RARB: variants seen among roughly 807,000 people sequenced by gnomAD.
The protein encoded by RARB is HBV-activated protein.
Under a neutral mutation model 51.9 loss-of-function variants are expected in RARB, and 17 were observed. The ratio of observed to expected loss-of-function variants is 0.33; its 90% CI spans 0.22 to 0.49. The LOEUF (loss-of-function observed/expected upper bound fraction) is 0.49. Ranked by LOEUF, RARB falls within the 20% of genes least tolerant of loss-of-function variation. RARB has a pLI of 0.99. For synonymous variants in RARB, 215 were observed against 195.4 expected (o/e 1.10, Z -0.84); for missense variants, 369 against 550.8 (o/e 0.67, Z 3.30).
chr3:25,136,659 C>T (rs572602322), intron 4 of RARB, among the ~76,000 whole-genome samples: 20 of 152,004 alleles, frequency 1.3e-4, no homozygotes, highest in Admixed American at 1.3e-3. Flanking sequence ...TGCCACATAC[C>T]TTCAATTAAT....
rs1252000423 is a variant in RARB at position 25,597,236 on chromosome 3, G to GCAT, written c.*622_*624dup. On this transcript the variant is annotated 3_prime_UTR_variant, in exon 8 of 8. Coordinates refer to ENST00000330688, the MANE Select transcript of RARB (RefSeq NM_000965.5). ...TTGCTCTTTCTGATGCTCTCAAACT[G>GCAT]CATCTTTTATTTCATGTTGCCCAGT... 1 of 152,556 alleles carries GCAT rather than the reference G, an allele frequency of 6.6e-6. No individual in the cohort carries two copies. Among genetic ancestry groups the GCAT allele is most frequent in the African/African-American group, 2.4e-5 (1 of 41,414 alleles). 9.5% of individuals were successfully genotyped at this position (152,556 alleles called of 1,614,324 possible). A position where few individuals can be genotyped will look rare whatever the true frequency, so the allele number is the denominator to read the frequency against.
intron 3 of RARB, among the ~76,000 whole-genome samples, chr3:25,504,016 G>A (rs4470477): frequency 0.059 from 8,957 of 152,174 alleles, 289 homozygotes; most frequent in Non-Finnish European, 0.078. Context: ...CTGAAGTAGC[G>A]AGATTAGCAA....
At chr3:25,450,558 C>T (rs1709147127) in intron 1 of RARB, among the ~76,000 whole-genome samples, 1 of 152,126 alleles carries the variant, frequency 6.6e-6, no homozygotes, top group Non-Finnish European at 1.5e-5. Context: ...CAGAGTCTCC[C>T]CACCAGTAGT....
chr3:25,473,673 A>C (rs1323317888), intron 2 of RARB, among the ~76,000 whole-genome samples: 3 of 152,034 alleles, frequency 2.0e-5, no homozygotes, highest in Non-Finnish European at 4.4e-5. Flanking sequence ...CTTCCTTTTC[A>C]CTGGTGTCAA....
intron 2 of RARB, among the ~76,000 whole-genome samples, chr3:24,866,447 G>T (rs1702850502): frequency 6.6e-6 from 1 of 152,118 alleles, no homozygotes; most frequent in African/African-American, 2.4e-5. Context: ...CACAAGGCAA[G>T]GCACTCTGGA....
At chr3:25,071,914 C>A (rs951729467) in intron 3 of RARB, among the ~76,000 whole-genome samples, 4 of 152,132 alleles carry the variant, frequency 2.6e-5, no homozygotes, top group African/African-American at 9.7e-5. Flanking sequence ...TGAAAGCCCT[C>A]AATGTGATAT....
rs547295201 is a variant in RARB, at chr3:25,262,865, C to T, written c.178+88290C>T. ...ACAATATCTCTCAGTGTTCCTATAA[C>T]ATTCTGTGCTTACCTCTATCATTCC... is the stretch of plus-strand genomic sequence containing the variant. On this transcript the variant is annotated intron_variant, in intron 5 of 11. Coordinates refer to the RARB transcript ENST00000383772. 2.0e-5 allele frequency among the ~76,000 whole-genome samples: 3 copies of T among 152,298 alleles called. 1 individual carries two copies. The highest frequency in any genetic ancestry group is 3.9e-4 in the East Asian group (2 of 5,178).
intron 2 of RARB, among the ~76,000 whole-genome samples, chr3:24,897,662 T>C (rs1037354795): frequency 1.3e-5 from 2 of 152,158 alleles, no homozygotes; most frequent in Non-Finnish European, 1.5e-5. Context: ...AGGCCTTCCA[T>C]TCCTTTTATA....
intron 5 of RARB, among the ~76,000 whole-genome samples, chr3:25,219,760 T>C (rs1378661389): frequency 6.6e-6 from 1 of 152,200 alleles, no homozygotes; most frequent in Non-Finnish European, 1.5e-5. Context: ...CCGTTAGATT[T>C]GTCAAAGAAC....
At chr3:25,061,702 C>A (rs1285361734) in intron 3 of RARB, among the ~76,000 whole-genome samples, 2 of 151,544 alleles carry the variant, frequency 1.3e-5, no homozygotes, top group Non-Finnish European at 3.0e-5. Flanking sequence ...ATATGTTGAT[C>A]CACTAAATTT....
intron 5 of RARB, among the ~76,000 whole-genome samples, chr3:25,369,276 T>A (rs548961172): frequency 6.6e-6 from 1 of 152,184 alleles, no homozygotes; most frequent in Non-Finnish European, 1.5e-5. Context: ...ACACAGAAAG[T>A]GTGAGCCATT....
chr3:25,419,482 C>G (rs922828118), intron 5 of RARB, among the ~76,000 whole-genome samples: 1 of 152,158 alleles, frequency 6.6e-6, no homozygotes, highest in Non-Finnish European at 1.5e-5. Flanking sequence ...TGAGAGGAGC[C>G]TGACTAAAGC....
At chr3:24,977,006 A>G (rs1696530518) in intron 2 of RARB, among the ~76,000 whole-genome samples, 1 of 152,206 alleles carries the variant, frequency 6.6e-6, no homozygotes. Context: ...AGCACCGCTT[A>G]TTAAATAGGG....
intron 5 of RARB, among the ~76,000 whole-genome samples, chr3:25,591,710 G>A (rs936670281): frequency 2.0e-5 from 3 of 152,136 alleles, no homozygotes; most frequent in Non-Finnish European, 4.4e-5. Flanking sequence ...GATGAAGAGG[G>A]CTTACTCATT....
chr3:25,149,332 C>T (rs187026441), intron 4 of RARB, among the ~76,000 whole-genome samples: 5 of 152,276 alleles, frequency 3.3e-5, no homozygotes, highest in East Asian at 3.9e-4. Context: ...CCTGGTTTGT[C>T]GTCTGCAATC....
chr3:25,556,245 T>G (rs1575515936), intron 3 of RARB, among the ~76,000 whole-genome samples: 1 of 152,132 alleles, frequency 6.6e-6, no homozygotes, highest in East Asian at 1.9e-4. Flanking sequence ...ACAGTGCAAT[T>G]TGGGATGATC....
In RARB at chr3:25,180,321, A is replaced by G. The variant is rs116206972; in HGVS notation, c.178+5746A>G. Reference sequence around the variant, plus strand: ...AAGACATTCCGGTTGTATTTATTAGATAAAATGTAGACGTTTAAAAAGAGC... The same window carrying G: ...AAGACATTCCGGTTGTATTTATTAGGTAAAATGTAGACGTTTAAAAAGAGC... On this transcript the variant is annotated intron_variant, in intron 5 of 11. Coordinates refer to the RARB transcript ENST00000383772. Among the ~76,000 whole-genome samples the G allele has an allele frequency of 4.9e-3, 751 of 152,338 alleles. 4 individuals are homozygous for G. The highest frequency in any genetic ancestry group is 0.018 in the African/African-American group (730 of 41,564).
chr3:25,301,132 A>T (rs1333838916), intron 5 of RARB, among the ~76,000 whole-genome samples: 4 of 152,180 alleles, frequency 2.6e-5, no homozygotes, highest in Non-Finnish European at 5.9e-5. Context: ...TTTTTACTTT[A>T]TGATGGGGTT....
intron 2 of RARB, among the ~76,000 whole-genome samples, chr3:24,981,118 C>T (rs1696657644): frequency 1.3e-5 from 2 of 152,292 alleles, no homozygotes; most frequent in Non-Finnish European, 2.9e-5. Flanking sequence ...GCAAATATTG[C>T]TGCCTGATCC....
Sources: allele counts gnomAD v4.1 joint callset (sites outside exome capture counted in the v4.1 genomes callset), GRCh38; gene constraint gnomAD v4.1.1; transcripts MANE v1.5; gene names NCBI Gene and HGNC (gene_info 2026-07-23, HGNC 2026-07-21).